Variants in PRSS12 observed in about 807,000 individuals in gnomAD.
PRSS12 encodes the protein serine protease 12.
In PRSS12, 85 loss-of-function variants were observed where a neutral mutation model predicts 104.4. The ratio of observed to expected loss-of-function variants is 0.81; its 90% CI spans 0.68 to 0.98. PRSS12 has a LOEUF of 0.98. Ranked by LOEUF, PRSS12 falls within the 50% of genes least tolerant of loss-of-function variation. The pLI is 0.00. For missense variants in PRSS12, 1,141 were observed against 1,139.2 expected (o/e 1.00, Z -0.02); for synonymous variants, 454 against 425.2 (o/e 1.07, Z -0.83).
At chr4:118,318,273 T>C in intron 5 of PRSS12, 105 bp downstream of exon 5, 1 of 1,085,256 alleles carries the variant, frequency 9.2e-7, no homozygotes, top group Admixed American at 2.2e-5. Context: ...TGTATTTATT[T>C]GTATGCTCAT....
intron 4 of PRSS12, 137 bp from the exon 5 acceptor site, chr4:118,318,693 G>T: frequency 1.1e-6 from 1 of 906,810 alleles, no homozygotes; most frequent in Non-Finnish European, 1.7e-6. Context: ...ATGACTTTCT[G>T]TATTTCTTTT....
chr4:118,334,195 T>C (rs1462419041), intron 3 of PRSS12, among the ~76,000 whole-genome samples: 1 of 152,204 alleles, frequency 6.6e-6, no homozygotes, highest in Non-Finnish European at 1.5e-5. Context: ...TAATTTATCA[T>C]AACTTTCTAT....
intron 8 of PRSS12, among the ~76,000 whole-genome samples, chr4:118,300,339 G>A (rs542070194): frequency 6.6e-6 from 1 of 151,922 alleles, no homozygotes; most frequent in South Asian, 2.1e-4. Flanking sequence ...AACGGAGACA[G>A]AGAAAAATAG....
At chr4:118,316,107 A>G in intron 6 of PRSS12, 75 bp downstream of exon 6, 1 of 1,508,800 alleles carries the variant, frequency 6.6e-7, no homozygotes. Flanking sequence ...AAAAATTACA[A>G]GTAGGGATTA....
At chr4:118,335,392 T>C in intron 3 of PRSS12, 81 bp downstream of exon 3, 1 of 1,512,560 alleles carries the variant, frequency 6.6e-7, no homozygotes. Context: ...GAAATGATTA[T>C]AACTAAGACA....
chr4:118,326,324 T>G lies in PRSS12; in HGVS notation c.971+5392A>C, dbSNP rs564743572. Reference sequence around the variant, plus strand: ...TGTTTGATGTGTATCAAATGCTTCCTGCATGCCTGGCACTGGTCTAACAGT... The same window carrying G: ...TGTTTGATGTGTATCAAATGCTTCCGGCATGCCTGGCACTGGTCTAACAGT... On this transcript the variant is annotated intron_variant, in intron 4 of 12. Transcript: ENST00000296498. Among the ~76,000 whole-genome samples the G allele has an allele frequency of 1.4e-4, 22 of 152,366 alleles. No homozygotes were observed. The South Asian group carries it at 4.1e-3, about 29-fold the overall frequency.
rs908662443 is a variant in PRSS12, at chr4:118,281,799, A to C, written c.*137T>G. The C allele has an allele frequency of 2.9e-6, 2 of 692,124 alleles. No individual in the cohort carries two copies. The highest frequency in any genetic ancestry group is 5.3e-6 in the Non-Finnish European group (2 of 377,880). 42.9% of individuals were successfully genotyped at this position (692,124 alleles called of 1,614,324 possible). A position where few individuals can be genotyped will look rare whatever the true frequency, so the allele number is the denominator to read the frequency against. ...TGTTCACAAATTTCTCAAAAGCAGC[A>C]GGGGGTACACAATTTTTTACCACAA... is the stretch of plus-strand genomic sequence containing the variant. On this transcript the variant is annotated 3_prime_UTR_variant, in exon 13 of 13. Transcript: ENST00000296498.
intron 2 of PRSS12, 114 bp from the exon 3 acceptor site, chr4:118,335,765 CAAAG>C (rs1420922079): frequency 4.6e-5 from 45 of 986,360 alleles, no homozygotes; most frequent in East Asian, 3.7e-4. Context: ...ATGGAAGAAA[CAAAG>C]AAAGAAAGAA....
chr4:118,342,276 G>A (rs1724234435), intron 1 of PRSS12, among the ~76,000 whole-genome samples: 1 of 152,160 alleles, frequency 6.6e-6, no homozygotes, highest in South Asian at 2.1e-4. Flanking sequence ...AAAGTGATTT[G>A]CATAAATTGT....
chr4:118,346,917 G>T (rs1304338776), intron 1 of PRSS12, among the ~76,000 whole-genome samples: 2 of 152,152 alleles, frequency 1.3e-5, no homozygotes, highest in Non-Finnish European at 1.5e-5. Context: ...GTGCCAAAAA[G>T]GTTGGGGACT....
chr4:118,327,131 A>C (rs1723794233), intron 4 of PRSS12, among the ~76,000 whole-genome samples: 1 of 152,154 alleles, frequency 6.6e-6, no homozygotes, highest in East Asian at 1.9e-4. Context: ...AAATTTAATG[A>C]ACCGTAAAAT....
chr4:118,337,946 T>C (rs1186203757), intron 2 of PRSS12, among the ~76,000 whole-genome samples: 3 of 152,126 alleles, frequency 2.0e-5, no homozygotes, highest in South Asian at 4.1e-4. Flanking sequence ...CACTTAGTAT[T>C]TGCCCATTTT....
At chr4:118,301,156 C>A (rs1224990092) in intron 8 of PRSS12, among the ~76,000 whole-genome samples, 1 of 151,930 alleles carries the variant, frequency 6.6e-6, no homozygotes. Context: ...AGTAAGAAAT[C>A]TAGCTTTATT....
intron 4 of PRSS12, among the ~76,000 whole-genome samples, chr4:118,320,744 T>C (rs1256365404): frequency 8.6e-5 from 13 of 151,900 alleles, no homozygotes; most frequent in Admixed American, 6.6e-5. Context: ...CACAGAGAAA[T>C]CCTGTCTCAA....
chr4:118,297,738 C>A (rs908494162), intron 9 of PRSS12, among the ~76,000 whole-genome samples: 57 of 152,100 alleles, frequency 3.7e-4, no homozygotes, highest in African/African-American at 1.3e-3. Flanking sequence ...TGTATCAGAA[C>A]TATAAACTTT....
At chr4:118,286,029 A>G (rs980808923) in intron 11 of PRSS12, among the ~76,000 whole-genome samples, 8 of 152,214 alleles carry the variant, frequency 5.3e-5, no homozygotes, top group African/African-American at 1.4e-4. Context: ...TATTTTTAAA[A>G]TAATATCAAT....
rs372672235 is a variant in PRSS12, at chr4:118,282,012, C to A, written c.2552G>T (p.Gly851Val). Residue 851 changes from glycine (G) to valine (V), a missense_variant, in exon 13 of 13, where the codon GGA becomes GTA. Physicochemically the swap from Gly to Val is moderately radical, Grantham distance 109. Transcript: ENST00000296498. ...YGVTSWGYGC[G>V]VKDSPGVYTK... ...ATAAACACCAGGAGAATCCTTGACT[C>A]CACAGCCATACCCCCAGGAGGTCAC... 4.9e-5 allele frequency: 79 copies of A among 1,606,212 alleles called. No homozygotes were observed. Among genetic ancestry groups the A allele is most frequent in the Non-Finnish European group, 6.3e-5 (74 of 1,172,844 alleles).
intron 8 of PRSS12, among the ~76,000 whole-genome samples, chr4:118,300,172 G>A (rs1007951513): frequency 6.6e-6 from 1 of 151,768 alleles, no homozygotes; most frequent in African/African-American, 2.4e-5. Flanking sequence ...CACCATGCCT[G>A]GCTAATTTGT....
intron 11 of PRSS12, among the ~76,000 whole-genome samples, chr4:118,288,183 G>A (rs116253112): frequency 2.0e-5 from 3 of 152,126 alleles, no homozygotes; most frequent in African/African-American, 7.2e-5. Context: ...TTCCTCTCTG[G>A]ATGAAACTCA....
Sources: allele counts gnomAD v4.1 joint callset (sites outside exome capture counted in the v4.1 genomes callset), GRCh38; gene constraint gnomAD v4.1.1; transcripts MANE v1.5; gene names NCBI Gene and HGNC (gene_info 2026-07-23, HGNC 2026-07-21).